The following USP35 variants were observed in gnomAD, a reference collection of about 807,000 sequenced individuals.
The protein encoded by USP35 is ubiquitin specific peptidase 35.
A neutral mutation model predicts 83.8 loss-of-function variants in USP35; 69 were observed. The observed-to-expected ratio is 0.82, with a 90% CI of 0.68 to 1.01. The LOEUF is 1.01. Ranked by LOEUF, USP35 falls within the 50% of genes least tolerant of loss-of-function variation. The pLI is 0.00. For synonymous variants in USP35, 714 were observed against 589.5 expected, an observed-to-expected ratio of 1.21 and a Z score of -3.06; for missense variants, 1,503 against 1,362.5, an observed-to-expected ratio of 1.10 and a Z score of -1.62.
In USP35 at chr11:78,196,464, C is replaced by A; in HGVS notation, c.219C>A (p.Pro73=). The A allele has an allele frequency of 8.0e-7, 1 of 1,251,392 alleles. No individual in the cohort carries two copies. The highest frequency in any genetic ancestry group is 3.8e-5 in the East Asian group (1 of 26,486). 77.5% of individuals were successfully genotyped at this position (1,251,392 alleles called of 1,614,324 possible). A position where few individuals can be genotyped will look rare whatever the true frequency, so the allele number is the denominator to read the frequency against. The change falls in exon 2 of 11, where the codon CCC becomes CCA. Residue 73 remains proline, a synonymous_variant. Transcript: ENST00000529308. The surrounding 1 kb of genome is among the most constrained non-coding windows in gnomAD (Gnocchi z 4.8). ...QLLHVAGRHH[P]DVFAEFFSAR... is the part of the protein sequence containing the mutation. ...TGCACGTGGCCGGCCGCCACCACCC[C>A]GACGTCTTCGCCGAGTTCTTCAGCG...
chr11:78,207,501 A>T (rs1863567240), intron 7 of USP35, 29 bp from the exon 8 acceptor site: 1 of 1,611,458 alleles, frequency 6.2e-7, no homozygotes, highest in African/African-American at 1.3e-5. Flanking sequence ...CCCATGGCTT[A>T]CCCTGGGTGC....
chr11:78,209,079 T>C lies in USP35; in HGVS notation c.1592+116T>C, dbSNP rs147854095. The C allele has an allele frequency of 4.9e-5, 51 of 1,038,360 alleles. No homozygotes were observed. The African/African-American group carries it at 6.6e-4, about 13-fold the overall frequency. 64.3% of individuals were successfully genotyped at this position (1,038,360 alleles called of 1,614,324 possible). ...GAATAAGTGTGCTGCCTCCAACATG[T>C]GGAGGGCGTGGAGAAGGGGTGTGCT... On this transcript the variant is annotated intron_variant, in intron 9 of 10. Coordinates refer to ENST00000529308, the MANE Select transcript of USP35 (RefSeq NM_020798.4).
the USP35 span, among the ~76,000 whole-genome samples, chr11:78,222,512 C>T: frequency 6.7e-6 from 1 of 148,204 alleles, no homozygotes; most frequent in Non-Finnish European, 1.5e-5. Flanking sequence ...AAATAAAAGA[C>T]TATATATAAA....
chr11:78,219,557 C>T, downstream of USP35: 1 of 721,402 alleles, frequency 1.4e-6, no homozygotes. Flanking sequence ...GCCTCAGGAG[C>T]CTGGCTTCTC....
rs1056233985 is a variant in USP35 at position 78,196,477 on chromosome 11, G to A, written c.232G>A (p.Glu78Lys). Residue 78 changes from glutamate to lysine, a missense_variant, in exon 2 of 11, where the codon GAG becomes AAG. By Grantham distance (56) the Glu-to-Lys change is moderately conservative. Transcript: ENST00000529308. This position sits in a 1 kb window ranked among gnomAD's most constrained non-coding sequence, Gnocchi z 4.8. The part of the protein sequence containing the change: ...AGRHHPDVFA[E>K]FFSARRVLRL... Reference sequence around the variant, plus strand: ...CCGCCACCACCCCGACGTCTTCGCCGAGTTCTTCAGCGCGCGTCGCGTGCT... The same window carrying A: ...CCGCCACCACCCCGACGTCTTCGCCAAGTTCTTCAGCGCGCGTCGCGTGCT... The A allele has an allele frequency of 9.7e-6, 12 of 1,241,634 alleles. No individual in the cohort carries two copies. The highest frequency in any genetic ancestry group is 1.1e-5 in the Non-Finnish European group (11 of 990,862). The allele number at this position is 1,241,634 out of a possible 1,614,324, so 76.9% of individuals were successfully genotyped here.
chr11:78,215,657 C>T (rs1287493187), downstream of USP35: 2 of 152,272 alleles, frequency 1.3e-5, no homozygotes, highest in Admixed American at 1.3e-4. Context: ...AACAAATACA[C>T]AACACATGCC....
chr11:78,210,977 T>A (rs541083401), intron 10 of USP35, among the ~76,000 whole-genome samples: 1 of 152,304 alleles, frequency 6.6e-6, no homozygotes, highest in East Asian at 1.9e-4. Flanking sequence ...GGTACATGTG[T>A]AGAATGTGCA....
At chr11:78,220,877 A>G in the USP35 span, among the ~76,000 whole-genome samples, 1 of 152,110 alleles carries the variant, frequency 6.6e-6, no homozygotes, top group African/African-American at 2.4e-5. Context: ...CATTTCCTTT[A>G]TGCACTGGAA....
At chr11:78,221,690 T>C in the USP35 span, 1 of 1,611,154 alleles carries the variant, frequency 6.2e-7, no homozygotes, top group Non-Finnish European at 8.5e-7. Context: ...AGGGACATAG[T>C]TCTCTTCGCT....
the USP35 span, among the ~76,000 whole-genome samples, chr11:78,230,725 T>A: frequency 6.6e-6 from 1 of 152,298 alleles, no homozygotes; most frequent in Middle Eastern, 3.4e-3. Context: ...AACAAGGGAC[T>A]CTTGCCCAAA....
chr11:78,231,329 C>CGCGTGTG, the USP35 span, among the ~76,000 whole-genome samples: 5 of 115,668 alleles, frequency 4.3e-5, no homozygotes, highest in African/African-American at 1.2e-4. Context: ...CGCGCGCGCG[C>CGCGTGTG]GTGTGTGGTG....
chr11:78,209,070 T>C, intron 9 of USP35, 107 bp downstream of exon 9: 1 of 1,171,710 alleles, frequency 8.5e-7, no homozygotes, highest in Non-Finnish European at 1.2e-6. Flanking sequence ...GTGTGCTGCC[T>C]CCAACATGTG....
chr11:78,220,983 G>A, the USP35 span, among the ~76,000 whole-genome samples: 5 of 152,172 alleles, frequency 3.3e-5, no homozygotes, highest in African/African-American at 1.2e-4. Flanking sequence ...CCCCCGCCTA[G>A]CTCCTCCAAG....
Position 78,214,234 on chromosome 11 carries a change from A to AGAGGGGGGGG in USP35, c.*422_*423insAGGGGGGGGG, listed in dbSNP as rs1275222810. The AGAGGGGGGGG allele has an allele frequency of 1.0e-5, 1 of 96,202 alleles. No individual in the cohort carries two copies. The highest frequency in any genetic ancestry group is 5.1e-5 in the African/African-American group (1 of 19,634). 6.0% of individuals were successfully genotyped at this position (96,202 alleles called of 1,614,324 possible). A position where few individuals can be genotyped will look rare whatever the true frequency, so the allele number is the denominator to read the frequency against. ...ACAGCAGGATCCAAGCCTTGCACAAAGGGGTGGGGGGGGCAGTGTCTCCTC... is the reference window on the plus strand; with the variant it reads ...ACAGCAGGATCCAAGCCTTGCACAAAGAGGGGGGGGGGGGTGGGGGGGGCAGTGTCTCCTC... On this transcript the variant is annotated 3_prime_UTR_variant, in exon 11 of 11. Coordinates refer to ENST00000529308, the MANE Select transcript of USP35 (RefSeq NM_020798.4).
Position 78,213,252 on chromosome 11 carries a change from A to G in USP35, c.2890-394A>G, listed in dbSNP as rs576258991. 2.2e-3 allele frequency among the ~76,000 whole-genome samples: 338 copies of G among 152,276 alleles called. 1 individual carries two copies. Among genetic ancestry groups the G allele is most frequent in the African/African-American group, 7.7e-3 (318 of 41,558 alleles). Reference sequence around the variant, plus strand: ...GGCAGGGTGGCGGGTAAGGATCGCCATGAGGCTGACGTCCTGGTAGCAGGA... The same window carrying G: ...GGCAGGGTGGCGGGTAAGGATCGCCGTGAGGCTGACGTCCTGGTAGCAGGA... On this transcript the variant is annotated intron_variant, in intron 10 of 10. Coordinates refer to ENST00000529308, the MANE Select transcript of USP35 (RefSeq NM_020798.4).
At chr11:78,220,180 A>G (rs936823525), downstream of USP35, 18 of 807,260 alleles carry the variant, frequency 2.2e-5, no homozygotes, top group Non-Finnish European at 3.2e-5. Context: ...ATGACTAAAG[A>G]TGCATCATAA....
At chr11:78,228,450 C>T in the USP35 span, among the ~76,000 whole-genome samples, 1 of 152,292 alleles carries the variant, frequency 6.6e-6, no homozygotes, top group Non-Finnish European at 1.5e-5. Flanking sequence ...ATCTCGTATA[C>T]ATATAAACTT....
chr11:78,209,520 C>A lies in USP35; in HGVS notation c.1665C>A (p.Pro555=), dbSNP rs376772946. Residue 555 remains proline (P), a synonymous_variant, in exon 10 of 11, where the codon CCC becomes CCA. Transcript: ENST00000529308. ...AGCAGTCCAGCTCGCCCTCTCCGCC[C>A]GAGGAGCCCCCGGCCCCAAGTTCAA... ...KLKQSSSPSP[P]EEPPAPSSTS... 8.7e-6 allele frequency: 14 copies of A among 1,614,072 alleles called. No homozygotes were observed. The highest frequency in any genetic ancestry group is 1.2e-5 in the Non-Finnish European group (14 of 1,179,982).
In USP35 at chr11:78,196,107, C is replaced by A; in HGVS notation, c.-10-129C>A. The stretch of plus-strand genomic sequence containing the variant: ...GTGAAATGACGCCCTTGCCCCATTT[C>A]ACAGATGAGAAAACTGAGGCCCAGA... On this transcript the variant is annotated intron_variant, in intron 1 of 10. Transcript: ENST00000529308. This position sits in a 1 kb window ranked among gnomAD's most constrained non-coding sequence, Gnocchi z 4.8. The A allele has an allele frequency of 7.2e-7, 1 of 1,393,182 alleles. No individual in the cohort carries two copies. The highest frequency in any genetic ancestry group is 9.3e-7 in the Non-Finnish European group (1 of 1,073,766). The allele number at this position is 1,393,182 out of a possible 1,614,324, so 86.3% of individuals were successfully genotyped here.
Sources: allele counts gnomAD v4.1 joint callset (sites outside exome capture counted in the v4.1 genomes callset), GRCh38; gene constraint gnomAD v4.1.1; non-coding constraint Gnocchi (gnomAD v3.1); transcripts MANE v1.5; gene names NCBI Gene and HGNC (gene_info 2026-07-23, HGNC 2026-07-21).